The following ABCA12 variants were observed in gnomAD, a reference collection of about 807,000 sequenced individuals.
The protein encoded by ABCA12 is glucosylceramide transporter ABCA12.
A neutral mutation model predicts 293.5 loss-of-function variants in ABCA12; 156 were observed. The observed-to-expected ratio is 0.53, with a 90% CI of 0.47 to 0.61. ABCA12 has a LOEUF of 0.61. ABCA12 is among the 20% of genes least tolerant of loss of function. The pLI is 0.00. For synonymous variants in ABCA12, 1,063 were observed against 1,108.0 expected, an observed-to-expected ratio of 0.96 and a Z score of 0.81; for missense variants, 2,797 against 3,090.2, an observed-to-expected ratio of 0.91 and a Z score of 2.25.
chr2:214,938,431 G>A (rs1042938301), intron 50 of ABCA12, among the ~76,000 whole-genome samples: 3 of 152,154 alleles, frequency 2.0e-5, no homozygotes, highest in Non-Finnish European at 4.4e-5. Flanking sequence ...ACATACATGT[G>A]CATGTGTCTT....
intron 2 of ABCA12, among the ~76,000 whole-genome samples, chr2:215,107,170 A>G (rs1319497537): frequency 1.3e-5 from 2 of 152,160 alleles, no homozygotes; most frequent in Admixed American, 6.5e-5. Flanking sequence ...GTTTTACTGT[A>G]CTTGAAAAAT....
rs1206339856 is a variant in ABCA12 at position 215,105,578 on chromosome 2, GACACACACACACACACACACACGC to G, written c.163+5995_163+6018del. ...GAAAGAGTTGGAGTTAGGGCTTCAA[GACACACACACACACACACACACGC>G]ACACACACACACACACACACGCACT... On this transcript the variant is annotated intron_variant, in intron 2 of 52. Coordinates refer to ENST00000272895, the MANE Select transcript of ABCA12 (RefSeq NM_173076.3). Among the ~76,000 whole-genome samples, 24 of 142,810 alleles carry G rather than the reference GACACACACACACACACACACACGC, an allele frequency of 1.7e-4. No homozygotes were observed. In the East Asian group the frequency reaches 1.8e-3, roughly 11 times the overall value. 93.7% of individuals were successfully genotyped at this position (142,810 alleles called of 152,430 possible). A position where few individuals can be genotyped will look rare whatever the true frequency, so the allele number is the denominator to read the frequency against.
In ABCA12 at chr2:214,980,960, C is replaced by T. The variant is rs143895593; in HGVS notation, c.4580-317G>A. 8.1e-3 allele frequency among the ~76,000 whole-genome samples: 1,238 copies of T among 152,024 alleles called. 16 individuals are homozygous for T. Among genetic ancestry groups the T allele is most frequent in the Non-Finnish European group, 0.013 (914 of 67,976 alleles). ...ATTAGCTGGGTGTGGTGGCGGATGC[C>T]TATAATCCCAGCTACTTGGGAGGCT... On this transcript the variant is annotated intron_variant, in intron 30 of 52. Coordinates refer to ENST00000272895, the MANE Select transcript of ABCA12 (RefSeq NM_173076.3).
intron 44 of ABCA12, among the ~76,000 whole-genome samples, chr2:214,951,719 T>A (rs1174883501): frequency 6.6e-6 from 1 of 152,206 alleles, no homozygotes; most frequent in African/African-American, 2.4e-5. Context: ...ATCACGCTAC[T>A]GCACTCCAGC....
chr2:215,117,063 A>T (rs1402215029), intron 1 of ABCA12, among the ~76,000 whole-genome samples: 1 of 152,238 alleles, frequency 6.6e-6, no homozygotes, highest in Non-Finnish European at 1.5e-5. Context: ...GAAAATGTAC[A>T]TTAAAGTATC....
At chr2:214,964,019 A>G (rs1162828571) in intron 39 of ABCA12, among the ~76,000 whole-genome samples, 2 of 151,982 alleles carry the variant, frequency 1.3e-5, no homozygotes, top group African/African-American at 4.8e-5. Flanking sequence ...CAGTTTGCAC[A>G]TCAAAAAGCT....
intron 14 of ABCA12, among the ~76,000 whole-genome samples, chr2:215,015,906 A>G (rs1431421432): frequency 6.6e-6 from 1 of 152,080 alleles, no homozygotes; most frequent in Non-Finnish European, 1.5e-5. Flanking sequence ...GCACTTTGGG[A>G]GGCTGAGGCG....
chr2:215,011,939 T>G, intron 16 of ABCA12, 32 bp downstream of exon 16: 1 of 1,612,514 alleles, frequency 6.2e-7, no homozygotes, highest in Non-Finnish European at 8.5e-7. Flanking sequence ...AAGGCATTTT[T>G]CAACAAGAAC....
At chr2:215,062,516 T>G (rs187580064) in intron 3 of ABCA12, among the ~76,000 whole-genome samples, 22 of 152,140 alleles carry the variant, frequency 1.4e-4, no homozygotes, top group African/African-American at 5.1e-4. Context: ...GCGAATCCCC[T>G]TACCTTTTCT....
intron 20 of ABCA12, among the ~76,000 whole-genome samples, chr2:215,003,770 C>A (rs1700193686): frequency 6.6e-6 from 1 of 151,798 alleles, no homozygotes; most frequent in Admixed American, 6.6e-5. Flanking sequence ...CAGGTTTAAG[C>A]AATTCTCCTG....
At position 214,975,995 on chromosome 2, in the gene ABCA12, A is replaced by G. The variant is rs1699507793; in HGVS notation, c.5171T>C (p.Leu1724Pro). ...TATAGCCATGATCTTCTTCAGCAAC[A>G]GTCCAAAGCCATCCAGCCTCTCTCC... The part of the protein sequence containing the change: ...TRGERLDGFG[L>P]LLKKIMAILI... Residue 1724 changes from leucine (L) to proline (P), a missense_variant, in exon 34 of 53, where the codon CTG becomes CCG. Leu to Pro is a moderately conservative substitution (Grantham distance 98, BLOSUM62 -3). Transcript: ENST00000272895. 2 of 1,614,086 alleles carry G rather than the reference A, an allele frequency of 1.2e-6. No individual in the cohort carries two copies. Among genetic ancestry groups the G allele is most frequent in the Non-Finnish European group, 1.7e-6 (2 of 1,179,984 alleles).
intron 21 of ABCA12, among the ~76,000 whole-genome samples, chr2:215,001,302 G>A (rs542737257): frequency 6.6e-6 from 1 of 152,300 alleles, no homozygotes; most frequent in African/African-American, 2.4e-5. Flanking sequence ...AATAATGACT[G>A]ATTATGAGGA....
chr2:214,982,842 T>C (rs1699698349), intron 29 of ABCA12, among the ~76,000 whole-genome samples: 1 of 152,028 alleles, frequency 6.6e-6, no homozygotes, highest in Non-Finnish European at 1.5e-5. Flanking sequence ...TCAAGTAAGT[T>C]TTGGTGGTGA....
chr2:214,961,197 C>A (rs1330652050), intron 39 of ABCA12, among the ~76,000 whole-genome samples: 1 of 152,014 alleles, frequency 6.6e-6, no homozygotes, highest in Non-Finnish European at 1.5e-5. Context: ...AGATCGAGTT[C>A]CTTCCAGAGA....
intron 45 of ABCA12, 81 bp downstream of exon 45, chr2:214,950,798 C>A: frequency 1.4e-6 from 2 of 1,480,454 alleles, no homozygotes; most frequent in Admixed American, 1.7e-5. Context: ...AGCCACTGTA[C>A]CTGGCCAATA....
intron 8 of ABCA12, among the ~76,000 whole-genome samples, chr2:215,036,148 C>T (rs896125674): frequency 6.6e-6 from 1 of 152,092 alleles, no homozygotes; most frequent in Non-Finnish European, 1.5e-5. Context: ...ATAAAAAATG[C>T]TCTAGACTAA....
intron 50 of ABCA12, 25 bp downstream of exon 50, chr2:214,942,900 G>A: frequency 6.3e-7 from 1 of 1,591,932 alleles, no homozygotes; most frequent in Non-Finnish European, 8.6e-7. Flanking sequence ...AACACTATCT[G>A]TTAAGCAATG....
intron 34 of ABCA12, among the ~76,000 whole-genome samples, chr2:214,975,482 G>T (rs1699492462): frequency 6.6e-6 from 1 of 152,208 alleles, no homozygotes; most frequent in South Asian, 2.1e-4. Flanking sequence ...AAAGTTATTT[G>T]CTGTATATTA....
Position 215,058,705 on chromosome 2 carries a change from G to A in ABCA12, c.318-4041C>T, listed in dbSNP as rs535916754. On this transcript the variant is annotated intron_variant, in intron 3 of 52. Coordinates refer to ENST00000272895, the MANE Select transcript of ABCA12 (RefSeq NM_173076.3). ...CTGGACCCGGCCACATGCACGGTAC[G>A]ATGGGCATGGCTAAGGGCCACTCCT... Among the ~76,000 whole-genome samples the A allele has an allele frequency of 7.1e-4, 108 of 152,126 alleles. 1 individual carries two copies. Among genetic ancestry groups the A allele is most frequent in the African/African-American group, 2.5e-3 (105 of 41,522 alleles).
Sources: gnomAD v4.1 joint callset for allele counts (sites outside exome capture counted in the v4.1 genomes callset) on GRCh38, gnomAD v4.1.1 for gene constraint, MANE v1.5 for transcripts, NCBI Gene and HGNC (gene_info 2026-07-23, HGNC 2026-07-21) for gene names.